Variants in PDCD4 observed in about 807,000 individuals in gnomAD.
The protein encoded by PDCD4 is programmed cell death 4.
A neutral mutation model predicts 54.0 loss-of-function variants in PDCD4; 56 were observed. The ratio of observed to expected loss-of-function variants is 1.04; its 90% confidence interval spans 0.84 to 1.30. The LOEUF (loss-of-function observed/expected upper bound fraction) is 1.30. PDCD4 is among the 50% of genes most tolerant of loss of function. The probability of loss-of-function intolerance (pLI) is 0.00; values close to 1 mark genes in which losing one functional copy is unlikely to be tolerated. For missense variants in PDCD4, 584 were observed against 559.8 expected (o/e 1.04, Z -0.44); for synonymous variants, 186 against 194.8 (o/e 0.95, Z 0.37).
chr10:110,875,557 C>G (rs1845490219), intron 1 of PDCD4, among the ~76,000 whole-genome samples: 1 of 152,136 alleles, frequency 6.6e-6, no homozygotes, highest in South Asian at 2.1e-4. Context: ...GAGTAGTTCT[C>G]ATAATTCATT....
rs574606012 is a variant in PDCD4 at position 110,879,524 on chromosome 10, G to T, written c.44-1709G>T. 7.9e-5 allele frequency among the ~76,000 whole-genome samples: 12 copies of T among 152,194 alleles called. No individual in the cohort carries two copies. In the South Asian group the frequency reaches 2.5e-3, roughly 32 times the overall value. ...CTAAAAACACAAAAAAATTAGCCAG[G>T]CGTAGTGGCAGGCATCTGTAGTCCC... is the stretch of plus-strand genomic sequence containing the variant. On this transcript the variant is annotated intron_variant, in intron 2 of 11. Coordinates refer to ENST00000280154, the MANE Select transcript of PDCD4 (RefSeq NM_014456.5).
chr10:110,888,382 G>C (rs1007795057), intron 6 of PDCD4, among the ~76,000 whole-genome samples: 23 of 152,128 alleles, frequency 1.5e-4, no homozygotes, highest in Non-Finnish European at 8.8e-5. Context: ...AGGCATGTCA[G>C]TTCCTAAATG....
chr10:110,888,401 GTTAAAC>G (rs1234734761), intron 6 of PDCD4, among the ~76,000 whole-genome samples: 1 of 152,082 alleles, frequency 6.6e-6, no homozygotes, highest in Non-Finnish European at 1.5e-5. Context: ...TGCTGTTTCT[GTTAAAC>G]TTAATGACAG....
chr10:110,891,176 G>A (rs1250959804), intron 8 of PDCD4, among the ~76,000 whole-genome samples: 1 of 151,934 alleles, frequency 6.6e-6, no homozygotes, highest in African/African-American at 2.4e-5. Flanking sequence ...AGGCTGAGGC[G>A]GGTGGATTGC....
In PDCD4 at chr10:110,883,077, C is replaced by G. The variant is rs779056168; in HGVS notation, c.421C>G (p.Pro141Ala). 6.3e-7 allele frequency: 1 copy of G among 1,589,606 alleles called. No individual in the cohort carries two copies. Among genetic ancestry groups the G allele is most frequent in the Non-Finnish European group, 8.6e-7 (1 of 1,169,284 alleles). ...YDVEEVDVKD[P>A]NYDDDQENCV... ...TGTGGAGGAGGTGGATGTGAAAGAT[C>G]CTAACTATGATGATGACCAGGTATC... is the stretch of plus-strand genomic sequence containing the variant. The change falls in exon 4 of 12, where the codon CCT becomes GCT. Residue 141 changes from proline to alanine, a missense_variant. Pro to Ala is a conservative substitution (Grantham distance 27). Coordinates refer to ENST00000280154, the MANE Select transcript of PDCD4 (RefSeq NM_014456.5).
At chr10:110,890,849 A>G (rs899511384) in intron 8 of PDCD4, 179 bp downstream of exon 8, 7 of 393,412 alleles carry the variant, frequency 1.8e-5, no homozygotes, top group African/African-American at 1.4e-4. Context: ...AAATTATATG[A>G]TTAAAAAATG....
intron 5 of PDCD4, 124 bp downstream of exon 5, chr10:110,885,490 G>T: frequency 2.1e-6 from 1 of 485,606 alleles, no homozygotes; most frequent in Admixed American, 3.8e-5. Flanking sequence ...TTGCATAAGT[G>T]AATTTCTAAG....
rs1845890540 is a variant in PDCD4 at position 110,898,699 on chromosome 10, TCTAGAAGAATGTA to T, written c.*613_*625del. The T allele has an allele frequency of 6.6e-6, 1 of 152,612 alleles. No individual in the cohort carries two copies. The highest frequency in any genetic ancestry group is 1.5e-5 in the Non-Finnish European group (1 of 68,022). 9.5% of individuals were successfully genotyped at this position (152,612 alleles called of 1,614,324 possible). On this transcript the variant is annotated 3_prime_UTR_variant, in exon 12 of 12. Transcript: ENST00000280154. ...ACAAAACTGGAAAAATGAACCTGGTTCTAGAAGAATGTACACCAAAATAAAACATGTGAAGCAG... is the reference window on the plus strand; with the variant it reads ...ACAAAACTGGAAAAATGAACCTGGTTCACCAAAATAAAACATGTGAAGCAG...
rs761929919 is a variant in PDCD4 at position 110,896,011 on chromosome 10, G to A, written c.1273G>A (p.Val425Met). The A allele has an allele frequency of 6.2e-7, 1 of 1,609,238 alleles. No individual in the cohort carries two copies. The highest frequency in any genetic ancestry group is 8.5e-7 in the Non-Finnish European group (1 of 1,176,016). The change falls in exon 11 of 12, where the codon GTG becomes ATG. Residue 425 changes from valine (V) to methionine (M), a missense_variant. By Grantham distance (21) the Val-to-Met change is conservative. Coordinates refer to ENST00000280154, the MANE Select transcript of PDCD4 (RefSeq NM_014456.5). ...INLDVPHSYS[V>M]LERFVEECFQ... ...TCTGGATGTCCCACATTCATACTCT[G>A]TGCTGGAGCGGTTTGTAGAAGAATG...
chr10:110,872,598 C>T (rs954656654), intron 1 of PDCD4, among the ~76,000 whole-genome samples: 21 of 152,202 alleles, frequency 1.4e-4, no homozygotes, highest in Non-Finnish European at 2.9e-5. Context: ...GAGCCCGCTG[C>T]GGGAGAACAG....
chr10:110,875,196 G>C (rs1288495027), intron 1 of PDCD4, among the ~76,000 whole-genome samples: 2 of 152,024 alleles, frequency 1.3e-5, no homozygotes, highest in Non-Finnish European at 2.9e-5. Flanking sequence ...TGTCTAAAAG[G>C]TAACTGATTT....
chr10:110,879,107 T>G (rs1263325629), intron 2 of PDCD4, among the ~76,000 whole-genome samples: 1 of 152,200 alleles, frequency 6.6e-6, no homozygotes, highest in Non-Finnish European at 1.5e-5. Context: ...AAGTGTAACA[T>G]TATTATTTAT....
At position 110,894,196 on chromosome 10, in the gene PDCD4, G is replaced by A; in HGVS notation, c.1096G>A (p.Glu366Lys). 8 of 1,532,016 alleles carry A rather than the reference G, an allele frequency of 5.2e-6. No homozygotes were observed. Among genetic ancestry groups the A allele is most frequent in the Non-Finnish European group, 7.2e-6 (8 of 1,105,756 alleles). The allele number at this position is 1,532,016 out of a possible 1,614,324, so 94.9% of individuals were successfully genotyped here. A position where few individuals can be genotyped will look rare whatever the true frequency, so the allele number is the denominator to read the frequency against. ...TCATTTTCACCATGAGCTTGTATAT[G>A]AAGTAAGATTACCTTGCCATGTCAA... ...VPHFHHELVY[E>K]AIIMVLESTG... Residue 366 changes from glutamate (E) to lysine (K), a missense_variant and splice_region_variant, in exon 9 of 12, where the codon GAA (glutamate) becomes AAA (lysine). By Grantham distance (56) the Glu-to-Lys change is moderately conservative. Transcript: ENST00000280154.
chr10:110,872,185 C>G (rs564121162), intron 1 of PDCD4, 167 bp downstream of exon 1: 257 of 152,344 alleles, frequency 1.7e-3, no homozygotes, highest in African/African-American at 5.9e-3. Context: ...CTTCTTGTAG[C>G]CCCGCAGGTC....
At chr10:110,872,870 A>G (rs1253223173) in intron 1 of PDCD4, among the ~76,000 whole-genome samples, 2 of 152,158 alleles carry the variant, frequency 1.3e-5, no homozygotes, top group Non-Finnish European at 2.9e-5. Flanking sequence ...AAGAGCTTCA[A>G]AACTGTCTGC....
chr10:110,878,262 A>T (rs1338923095), intron 2 of PDCD4, among the ~76,000 whole-genome samples: 1 of 152,230 alleles, frequency 6.6e-6, no homozygotes, highest in Non-Finnish European at 1.5e-5. Flanking sequence ...CAAATATATA[A>T]ATTATACTGA....
intron 6 of PDCD4, among the ~76,000 whole-genome samples, chr10:110,888,267 T>C (rs563958529): frequency 1.3e-5 from 2 of 152,278 alleles, no homozygotes; most frequent in Admixed American, 6.5e-5. Context: ...TAAATAAGAC[T>C]CTTCCCTTTT....
At position 110,885,281 on chromosome 10, in the gene PDCD4, T is replaced by C; in HGVS notation, c.470T>C (p.Leu157Ser). The C allele has an allele frequency of 6.3e-7, 1 of 1,586,466 alleles. No individual in the cohort carries two copies. The highest frequency in any genetic ancestry group is 8.6e-7 in the Non-Finnish European group (1 of 1,157,482). Reference protein sequence around the residue: ...QENCVYETVVLPLDERAFEKT... With the variant: ...QENCVYETVVSPLDERAFEKT... ...AACTGTGTTTATGAAACTGTAGTTT[T>C]GCCTTTGGATGAAAGGGCATTTGAG... The change falls in exon 5 of 12, where the codon TTG (leucine) becomes TCG (serine). Residue 157 changes from leucine (L) to serine (S), a missense_variant. Coordinates refer to ENST00000280154, the MANE Select transcript of PDCD4 (RefSeq NM_014456.5).
At chr10:110,874,386 A>T (rs1316451028) in intron 1 of PDCD4, among the ~76,000 whole-genome samples, 3 of 152,172 alleles carry the variant, frequency 2.0e-5, no homozygotes. Flanking sequence ...ATCATATGAC[A>T]TTATTCCTTT....
Sources: gnomAD v4.1 joint callset for allele counts (sites outside exome capture counted in the v4.1 genomes callset) on GRCh38, gnomAD v4.1.1 for gene constraint, MANE v1.5 for transcripts, NCBI Gene and HGNC (gene_info 2026-07-23, HGNC 2026-07-21) for gene names.